Variants in BLM observed in about 807,000 individuals in gnomAD.
The protein encoded by BLM is recQ-like DNA helicase BLM.
In BLM, 95 loss-of-function variants were observed where a neutral mutation model predicts 135.3. That is an observed-to-expected ratio of 0.70 (90% CI 0.59 to 0.83). The LOEUF is 0.83. Among genes scored for constraint, BLM ranks in the 40% least tolerant of loss-of-function variants. The pLI, the probability that BLM is intolerant of heterozygous loss-of-function variation, is 0.00. For synonymous variants in BLM, 520 were observed against 589.2 expected (o/e 0.88, Z 1.70); for missense variants, 1,518 against 1,663.9 (o/e 0.91, Z 1.53).
intron 1 of BLM, among the ~76,000 whole-genome samples, chr15:90,719,244 G>T (rs1894698935): frequency 6.6e-6 from 1 of 152,180 alleles, no homozygotes; most frequent in South Asian, 2.1e-4. Flanking sequence ...GCCTGCCTCC[G>T]CCTCCCAAGG....
chr15:90,724,792 C>T (rs1219816009), intron 1 of BLM, among the ~76,000 whole-genome samples: 1 of 152,180 alleles, frequency 6.6e-6, no homozygotes, highest in Non-Finnish European at 1.5e-5. Flanking sequence ...CCTAGAAGCT[C>T]CCTGAGCCCT....
rs572487251 is a variant in BLM at position 90,808,811 on chromosome 15, T to C, written c.3752-326T>C. 10 of 430,752 alleles carry C rather than the reference T, an allele frequency of 2.3e-5. 1 individual carries two copies. The highest frequency in any genetic ancestry group is 1.2e-4 in the African/African-American group (6 of 49,738). The allele number at this position is 430,752 out of a possible 1,614,324, so 26.7% of individuals were successfully genotyped here. On this transcript the variant is annotated intron_variant, in intron 19 of 21. Coordinates refer to ENST00000355112, the MANE Select transcript of BLM (RefSeq NM_000057.4). ...ACACCAGTCTCAGCTAGATGAGTAC[T>C]GGCCATGGGAACAGTGGGCAAGAGC...
chr15:90,791,164 C>T (rs1407782890), intron 15 of BLM, among the ~76,000 whole-genome samples: 1 of 152,082 alleles, frequency 6.6e-6, no homozygotes, highest in Non-Finnish European at 1.5e-5. Context: ...TGCATTCTTG[C>T]ATGTAACACA....
At chr15:90,755,714 A>G (rs1005008193) in intron 5 of BLM, among the ~76,000 whole-genome samples, 1 of 151,790 alleles carries the variant, frequency 6.6e-6, no homozygotes, top group Admixed American at 6.6e-5. Context: ...TTAGACTTCC[A>G]TTAATTATCT....
rs371600266 is a variant in BLM, at chr15:90,769,751, G to A, written c.2555+165G>A. 2.5e-4 allele frequency among the ~76,000 whole-genome samples: 37 copies of A among 149,302 alleles called. No homozygotes were observed. In the East Asian group the frequency reaches 6.7e-3, roughly 27 times the overall value. Reference sequence around the variant, plus strand: ...CAGCTAAATCAGAACGTTTGGGGCTGAGAGCCAGTATTTTTTTAAAAATCC... The same window carrying A: ...CAGCTAAATCAGAACGTTTGGGGCTAAGAGCCAGTATTTTTTTAAAAATCC... On this transcript the variant is annotated intron_variant, in intron 12 of 21. Coordinates refer to ENST00000355112, the MANE Select transcript of BLM (RefSeq NM_000057.4).
intron 13 of BLM, 24 bp downstream of exon 13, chr15:90,782,952 T>A (rs1188139999): frequency 6.5e-7 from 1 of 1,541,920 alleles, no homozygotes; most frequent in Non-Finnish European, 9.0e-7. Flanking sequence ...TGTGATTAGC[T>A]GTCTAGAAGT....
chr15:90,721,567 C>T (rs953069330), intron 1 of BLM, among the ~76,000 whole-genome samples: 1 of 152,056 alleles, frequency 6.6e-6, no homozygotes, highest in Non-Finnish European at 1.5e-5. Context: ...AGGTGATCTA[C>T]CCACTTTGGC....
In BLM at chr15:90,815,948, A is replaced by C; in HGVS notation, c.*669A>C. The C allele has an allele frequency of 6.6e-6, 1 of 152,356 alleles. No individual in the cohort carries two copies. Among genetic ancestry groups the C allele is most frequent in the Non-Finnish European group, 1.5e-5 (1 of 68,326 alleles). The allele number at this position is 152,356 out of a possible 1,614,324, so 9.4% of individuals were successfully genotyped here. The stretch of plus-strand genomic sequence containing the variant: ...CAAAAATTAGCCAGGCGTGGTGTAC[A>C]GGCACGCCTGTAGTCCCAGCTACTC... On this transcript the variant is annotated 3_prime_UTR_variant, in exon 22 of 22. Transcript: ENST00000355112. The surrounding 1 kb of genome is among the most constrained non-coding windows in gnomAD (Gnocchi z 4.6).
At chr15:90,764,804 G>A (rs767868064) in intron 8 of BLM, among the ~76,000 whole-genome samples, 1 of 152,080 alleles carries the variant, frequency 6.6e-6, no homozygotes, top group Admixed American at 6.6e-5. Flanking sequence ...GTCCTAGGCC[G>A]GGCGCAGTGG....
At chr15:90,745,847 G>A (rs1454125009) in intron 1 of BLM, among the ~76,000 whole-genome samples, 1 of 152,166 alleles carries the variant, frequency 6.6e-6, no homozygotes, top group African/African-American at 2.4e-5. Context: ...AGGCTGAGGT[G>A]GGAGAATGAC....
intron 1 of BLM, among the ~76,000 whole-genome samples, chr15:90,735,183 A>G (rs1307270225): frequency 2.0e-5 from 3 of 147,130 alleles, no homozygotes; most frequent in South Asian, 2.1e-4. Flanking sequence ...CCTTAAACAA[A>G]TGAAATCTTT....
intron 8 of BLM, 98 bp from the exon 9 acceptor site, chr15:90,765,198 C>A: frequency 1.0e-6 from 1 of 955,190 alleles, no homozygotes; most frequent in Non-Finnish European, 1.7e-6. Flanking sequence ...GGACAATATG[C>A]CTTGGTGTCC....
intron 15 of BLM, among the ~76,000 whole-genome samples, chr15:90,792,083 C>CT (rs35083164): frequency 1.3e-4 from 19 of 143,302 alleles, no homozygotes; most frequent in African/African-American, 2.9e-4. Context: ...TCTGAGACCA[C>CT]TTTTTTTTTT....
chr15:90,785,001 G>A lies in BLM; in HGVS notation c.2743G>A (p.Ala915Thr), dbSNP rs1896709530. 6.2e-7 allele frequency: 1 copy of A among 1,614,190 alleles called. No individual in the cohort carries two copies. Among genetic ancestry groups the A allele is most frequent in the Non-Finnish European group, 8.5e-7 (1 of 1,180,044 alleles). Residue 915 changes from alanine (A) to threonine (T), a missense_variant, in exon 14 of 22, where the codon GCT becomes ACT. Physicochemically the swap from Ala to Thr is moderately conservative, Grantham distance 58. Transcript: ENST00000355112. ...CACGTTACAGAGAGATGGGCTCGCT[G>A]CTCTTGCTTACCATGCTGGCCTCAG... ...ADTLQRDGLA[A>T]LAYHAGLSDS...
At chr15:90,796,820 T>C (rs1254774233) in intron 16 of BLM, among the ~76,000 whole-genome samples, 1 of 152,126 alleles carries the variant, frequency 6.6e-6, no homozygotes, top group African/African-American at 2.4e-5. Context: ...GCTGAGGGTC[T>C]ATGAGAGGTA....
intron 14 of BLM, among the ~76,000 whole-genome samples, chr15:90,786,732 A>G (rs1026440057): frequency 1.3e-5 from 2 of 151,838 alleles, no homozygotes; most frequent in African/African-American, 4.8e-5. Flanking sequence ...CTCCTGCCTC[A>G]GCCTCCCAAG....
chr15:90,776,636 C>G (rs758719983), intron 12 of BLM, among the ~76,000 whole-genome samples: 9 of 152,198 alleles, frequency 5.9e-5, no homozygotes, highest in African/African-American at 9.7e-5. Context: ...ATCCTCCTGC[C>G]TCAACCCGCC....
At chr15:90,731,142 C>T (rs1895058128) in intron 1 of BLM, among the ~76,000 whole-genome samples, 1 of 152,068 alleles carries the variant, frequency 6.6e-6, no homozygotes, top group Non-Finnish European at 1.5e-5. Flanking sequence ...GATTTAATCA[C>T]ACTGCCCAGG....
intron 16 of BLM, among the ~76,000 whole-genome samples, chr15:90,797,091 G>A (rs912047589): frequency 2.0e-5 from 3 of 152,072 alleles, no homozygotes; most frequent in Admixed American, 6.6e-5. Flanking sequence ...AAAGTAAGAG[G>A]ATCAGCTCTG....
Sources: allele counts gnomAD v4.1 joint callset (sites outside exome capture counted in the v4.1 genomes callset), GRCh38; gene constraint gnomAD v4.1.1; non-coding constraint Gnocchi (gnomAD v3.1); transcripts MANE v1.5; gene names NCBI Gene and HGNC (gene_info 2026-07-23, HGNC 2026-07-21).